The following ADD3 variants were observed in gnomAD, a reference collection of about 807,000 sequenced individuals.
The protein encoded by ADD3 is gamma-adducin.
In ADD3, 25 loss-of-function variants were observed where a neutral mutation model predicts 80.2. The ratio of observed to expected loss-of-function variants is 0.31; its 90% CI spans 0.23 to 0.44. The LOEUF (loss-of-function observed/expected upper bound fraction) is 0.44. Ranked by LOEUF, ADD3 falls within the 20% of genes least tolerant of loss-of-function variation. ADD3 has a pLI of 1.00. For missense variants in ADD3, 829 were observed against 847.5 expected, an observed-to-expected ratio of 0.98 and a Z score of 0.27; for synonymous variants, 284 against 289.6, an observed-to-expected ratio of 0.98 and a Z score of 0.20.
At chr10:110,071,419 A>G (rs1033677417) in intron 1 of ADD3, among the ~76,000 whole-genome samples, 1 of 152,230 alleles carries the variant, frequency 6.6e-6, no homozygotes, top group Non-Finnish European at 1.5e-5. Context: ...AGTTAAAAAT[A>G]AAAGTTATAC....
chr10:110,026,653 G>A (rs144807919), intron 1 of ADD3, among the ~76,000 whole-genome samples: 1 of 152,170 alleles, frequency 6.6e-6, no homozygotes, highest in East Asian at 1.9e-4. Flanking sequence ...TGGATTTAAT[G>A]TTTTACATTG....
chr10:110,069,832 G>C (rs1229015248), intron 1 of ADD3, among the ~76,000 whole-genome samples: 1 of 152,104 alleles, frequency 6.6e-6, no homozygotes, highest in Non-Finnish European at 1.5e-5. Context: ...AATATAAATG[G>C]CTTTTGAGTT....
At chr10:110,057,206 A>G (rs1858308174) in intron 1 of ADD3, among the ~76,000 whole-genome samples, 1 of 152,196 alleles carries the variant, frequency 6.6e-6, no homozygotes, top group Non-Finnish European at 1.5e-5. Context: ...ATTGGGTATT[A>G]TGTGACAACT....
At chr10:110,092,263 G>A (rs2150210) in intron 1 of ADD3, among the ~76,000 whole-genome samples, 45,776 of 151,934 alleles carry the variant, frequency 0.3, 8,320 homozygotes, top group African/African-American at 0.48. Flanking sequence ...AGACACAAGC[G>A]CAAATATGTT....
chr10:110,036,137 C>A (rs186349333), intron 1 of ADD3, among the ~76,000 whole-genome samples: 1 of 151,898 alleles, frequency 6.6e-6, no homozygotes, highest in Non-Finnish European at 1.5e-5. Flanking sequence ...GGCAACAGAA[C>A]GAGACTCCAT....
upstream of ADD3, among the ~76,000 whole-genome samples, chr10:110,003,302 G>GGGGGGGGGGTGTGTGTGTGTGT (rs140966434): frequency 6.8e-6 from 1 of 147,028 alleles, no homozygotes; most frequent in African/African-American, 2.6e-5. Context: ...GAACAGTAAG[G>GGGGGGGGGGTGTGTGTGTGTGT]GTGTGTGTGT....
At chr10:110,072,134 T>C (rs962527881) in intron 1 of ADD3, among the ~76,000 whole-genome samples, 1 of 152,244 alleles carries the variant, frequency 6.6e-6, no homozygotes, top group Non-Finnish European at 1.5e-5. Context: ...CAATCTCGGC[T>C]CACTGCAAGC....
chr10:110,103,061 A>AT (rs942986984), intron 2 of ADD3, among the ~76,000 whole-genome samples: 28 of 151,732 alleles, frequency 1.8e-4, no homozygotes, highest in African/African-American at 6.3e-4. Flanking sequence ...AAAAGTTGAT[A>AT]TTTTTTTTTC....
rs144658926 is a variant in ADD3, at chr10:110,086,572, A to G, written c.-29-14053A>G. Among the ~76,000 whole-genome samples, 121 of 152,222 alleles carry G rather than the reference A, an allele frequency of 7.9e-4. 1 individual carries two copies. Among genetic ancestry groups the G allele is most frequent in the Non-Finnish European group, 1.5e-3 (100 of 68,010 alleles). On this transcript the variant is annotated intron_variant, in intron 1 of 14. Coordinates refer to ENST00000356080, the MANE Select transcript of ADD3 (RefSeq NM_016824.5). ...GGTTTAGTACCATCCCCCTAGTGCTATCTCATGATAGAGTTCTCACAAGAT... is the reference window on the plus strand; with the variant it reads ...GGTTTAGTACCATCCCCCTAGTGCTGTCTCATGATAGAGTTCTCACAAGAT...
At chr10:110,100,102 G>A (rs553311420) in intron 1 of ADD3, among the ~76,000 whole-genome samples, 5 of 152,192 alleles carry the variant, frequency 3.3e-5, no homozygotes, top group African/African-American at 1.2e-4. Flanking sequence ...TAATCCCAAT[G>A]CTTTGGGAGG....
chr10:110,086,442 G>A (rs1025631528), intron 1 of ADD3, among the ~76,000 whole-genome samples: 2 of 152,030 alleles, frequency 1.3e-5, no homozygotes, highest in Non-Finnish European at 2.9e-5. Flanking sequence ...GGCTTGATAT[G>A]GTTTGGATTT....
intron 2 of ADD3, among the ~76,000 whole-genome samples, chr10:110,105,053 G>A (rs1016371040): frequency 2.6e-5 from 4 of 152,094 alleles, no homozygotes; most frequent in African/African-American, 9.7e-5. Flanking sequence ...AGACATTTTG[G>A]TGTAAATGTA....
intron 9 of ADD3, 46 bp from the exon 10 acceptor site, chr10:110,123,971 A>G: frequency 1.3e-6 from 2 of 1,576,778 alleles, no homozygotes; most frequent in Non-Finnish European, 1.7e-6. Flanking sequence ...AAATGCTGTT[A>G]TTGATACAGG....
rs1038344626 is a variant in ADD3 at position 110,100,514 on chromosome 10, A to T, written c.-29-111A>T. 3 of 556,490 alleles carry T rather than the reference A, an allele frequency of 5.4e-6. No homozygotes were observed. In the African/African-American group the frequency reaches 5.9e-5, roughly 11 times the overall value. The allele number at this position is 556,490 out of a possible 1,614,324, so 34.5% of individuals were successfully genotyped here. A position where few individuals can be genotyped will look rare whatever the true frequency, so the allele number is the denominator to read the frequency against. On this transcript the variant is annotated intron_variant, in intron 1 of 14. Coordinates refer to ENST00000356080, the MANE Select transcript of ADD3 (RefSeq NM_016824.5). ...AATATTTTTGAGAAGCTACTTTTTA[A>T]AGTGCACCTGTTAACTCTGAGGGCA...
chr10:110,114,323 A>G lies in ADD3; in HGVS notation c.334+1408A>G, dbSNP rs183315647. ...TTTTTGTGGCTTATGTATTAAAACT[A>G]TTCAGATTACTTCAAAACATCTCAA... On this transcript the variant is annotated intron_variant, in intron 3 of 14. Transcript: ENST00000356080. Among the ~76,000 whole-genome samples the G allele has an allele frequency of 6.3e-3, 954 of 152,354 alleles. 7 individuals are homozygous for G. The highest frequency in any genetic ancestry group is 0.022 in the African/African-American group (910 of 41,578).
intron 12 of ADD3, among the ~76,000 whole-genome samples, chr10:110,128,560 C>T (rs1276825625): frequency 6.6e-6 from 1 of 151,968 alleles, no homozygotes; most frequent in Non-Finnish European, 1.5e-5. Context: ...GGACTACAGG[C>T]GCCTGTCACC....
At chr10:110,096,113 T>C (rs990097044) in intron 1 of ADD3, among the ~76,000 whole-genome samples, 4 of 152,136 alleles carry the variant, frequency 2.6e-5, no homozygotes, top group Non-Finnish European at 5.9e-5. Flanking sequence ...GAAAAGGGCA[T>C]AAGGGATGTC....
chr10:110,037,439 T>C (rs1855792155), intron 1 of ADD3, among the ~76,000 whole-genome samples: 1 of 151,808 alleles, frequency 6.6e-6, no homozygotes. Flanking sequence ...ACCCCGTCTC[T>C]ACTGAAAATA....
chr10:110,001,414 CAAAAA>C (rs35498781), upstream of ADD3, among the ~76,000 whole-genome samples: 2 of 120,280 alleles, frequency 1.7e-5, no homozygotes. Flanking sequence ...GACCCTGTCT[CAAAAA>C]AAAAAAAAAA....
Sources: gnomAD v4.1 joint callset for allele counts (sites outside exome capture counted in the v4.1 genomes callset) on GRCh38, gnomAD v4.1.1 for gene constraint, MANE v1.5 for transcripts, NCBI Gene and HGNC (gene_info 2026-07-23, HGNC 2026-07-21) for gene names.